BBX: variants seen among roughly 807,000 people sequenced by gnomAD.
The protein encoded by BBX is BBX high mobility group box domain containing.
A neutral mutation model predicts 100.2 loss-of-function variants in BBX; 30 were observed. The ratio of observed to expected loss-of-function variants is 0.30; its 90% CI spans 0.22 to 0.41. BBX has a LOEUF of 0.41. Ranked by LOEUF, BBX falls within the 10% of genes least tolerant of loss-of-function variation. The pLI is 1.00. For missense variants in BBX, 1,023 were observed against 1,129.8 expected (o/e 0.91, Z 1.35); for synonymous variants, 376 against 388.1 (o/e 0.97, Z 0.37).
In BBX at chr3:107,667,022, T is replaced by C. The variant is rs149517305; in HGVS notation, c.-10+21113T>C. 2.4e-3 allele frequency among the ~76,000 whole-genome samples: 362 copies of C among 152,358 alleles called. 1 individual carries two copies. The highest frequency in any genetic ancestry group is 5.4e-3 in the African/African-American group (225 of 41,584). On this transcript the variant is annotated intron_variant, in intron 3 of 17. Transcript: ENST00000325805. ...TGAGAATTCACCCCTCCTAACTAACTGCTTACTTGACAAAACTGTTAAGGA... is the reference window on the plus strand; with the variant it reads ...TGAGAATTCACCCCTCCTAACTAACCGCTTACTTGACAAAACTGTTAAGGA...
chr3:107,767,051 G>A (rs1353245787), intron 10 of BBX, among the ~76,000 whole-genome samples: 1 of 152,198 alleles, frequency 6.6e-6, no homozygotes, highest in African/African-American at 2.4e-5. Context: ...GGGATCTGTC[G>A]CAGGATAGGG....
intron 2 of BBX, among the ~76,000 whole-genome samples, chr3:107,621,933 A>G (rs2055801984): frequency 6.6e-6 from 1 of 152,176 alleles, no homozygotes; most frequent in Admixed American, 6.5e-5. Flanking sequence ...TGGGGCCTAA[A>G]AAAACTTTAA....
intron 2 of BBX, among the ~76,000 whole-genome samples, chr3:107,634,760 C>T (rs1452987366): frequency 6.6e-6 from 1 of 152,132 alleles, no homozygotes; most frequent in Non-Finnish European, 1.5e-5. Flanking sequence ...CTGTAAAAGC[C>T]TTGTTGATAT....
At chr3:107,543,110 T>C (rs1189901270) in intron 2 of BBX, among the ~76,000 whole-genome samples, 3 of 152,140 alleles carry the variant, frequency 2.0e-5, no homozygotes, top group African/African-American at 7.2e-5. Flanking sequence ...CATGTCACAA[T>C]ATAAAAAAGA....
In BBX at chr3:107,748,047, CT is replaced by C; in HGVS notation, c.825+13del. ...TTGTTTCAGTTTGCAGAGGTATGGC[CT>C]TTTTAAAATGCTTTTTAGGCTAAGA... On this transcript the variant is annotated intron_variant, in intron 9 of 17. Coordinates refer to ENST00000325805, the MANE Select transcript of BBX (RefSeq NM_001142568.3). 1 of 1,609,180 alleles carries C rather than the reference CT, an allele frequency of 6.2e-7. No homozygotes were observed. Among genetic ancestry groups the C allele is most frequent in the Admixed American group, 1.7e-5 (1 of 59,574 alleles).
At chr3:107,533,160 T>C (rs918762892) in intron 2 of BBX, among the ~76,000 whole-genome samples, 1 of 152,150 alleles carries the variant, frequency 6.6e-6, no homozygotes, top group Non-Finnish European at 1.5e-5. Context: ...GAATGTTATG[T>C]AATATGTGCT....
chr3:107,620,250 T>C (rs746867190), intron 2 of BBX, among the ~76,000 whole-genome samples: 3 of 152,242 alleles, frequency 2.0e-5, no homozygotes, highest in Non-Finnish European at 4.4e-5. Flanking sequence ...TCTACTAATA[T>C]ATCTTCTGTT....
chr3:107,720,063 T>G (rs1055241040), intron 5 of BBX, among the ~76,000 whole-genome samples: 1 of 152,006 alleles, frequency 6.6e-6, no homozygotes, highest in Non-Finnish European at 1.5e-5. Flanking sequence ...ATTTATTGAT[T>G]GATTGGTCCT....
chr3:107,681,728 T>C (rs1044637349), intron 3 of BBX, among the ~76,000 whole-genome samples: 3 of 152,106 alleles, frequency 2.0e-5, no homozygotes, highest in Non-Finnish European at 4.4e-5. Context: ...ACTGAGAGAA[T>C]AAAGTAGAAT....
chr3:107,723,384 G>A (rs2062677364), intron 5 of BBX, among the ~76,000 whole-genome samples: 1 of 151,722 alleles, frequency 6.6e-6, no homozygotes, highest in African/African-American at 2.4e-5. Context: ...GAAAAGTAAT[G>A]TTGAGACTCC....
At chr3:107,601,188 C>T (rs1227770745) in intron 2 of BBX, among the ~76,000 whole-genome samples, 2 of 152,224 alleles carry the variant, frequency 1.3e-5, no homozygotes, top group Non-Finnish European at 2.9e-5. Context: ...GCTCCACCCA[C>T]TGGCCGTTCC....
chr3:107,729,102 T>C (rs2063152432), intron 6 of BBX, 142 bp downstream of exon 6: 1 of 832,108 alleles, frequency 1.2e-6, no homozygotes, highest in Non-Finnish European at 1.9e-6. Context: ...TTTTCAAGCA[T>C]TGGATCATGA....
At chr3:107,616,916 A>G (rs562008265) in intron 2 of BBX, among the ~76,000 whole-genome samples, 83 of 152,220 alleles carry the variant, frequency 5.5e-4, no homozygotes, top group African/African-American at 1.9e-3. Context: ...TACTAATTTT[A>G]CCTTTTATGG....
chr3:107,611,587 A>C (rs1170849152), intron 2 of BBX, among the ~76,000 whole-genome samples: 3 of 152,190 alleles, frequency 2.0e-5, no homozygotes, highest in South Asian at 2.1e-4. Flanking sequence ...TTTCCACTGA[A>C]AAGACTGCTC....
At chr3:107,693,415 A>G (rs2060331410) in intron 3 of BBX, among the ~76,000 whole-genome samples, 1 of 151,560 alleles carries the variant, frequency 6.6e-6, no homozygotes, top group Non-Finnish European at 1.5e-5. Context: ...CTTTCTACAT[A>G]TGGCTAGCCA....
intron 3 of BBX, among the ~76,000 whole-genome samples, chr3:107,697,714 G>C (rs2060730928): frequency 6.6e-6 from 1 of 151,872 alleles, no homozygotes; most frequent in South Asian, 2.1e-4. Context: ...TTGAGCTGTG[G>C]TGGGCTCCAC....
intron 3 of BBX, among the ~76,000 whole-genome samples, chr3:107,652,728 G>A (rs1364759830): frequency 6.6e-6 from 1 of 152,128 alleles, no homozygotes; most frequent in African/African-American, 2.4e-5. Flanking sequence ...AGAGAAGTGT[G>A]TTTTCCTAGG....
intron 2 of BBX, among the ~76,000 whole-genome samples, chr3:107,577,200 A>G (rs998197636): frequency 2.6e-5 from 4 of 152,134 alleles, no homozygotes; most frequent in Admixed American, 2.6e-4. Context: ...TAAAGCACAT[A>G]AAATTTGTTG....
intron 7 of BBX, among the ~76,000 whole-genome samples, chr3:107,738,189 C>G (rs1407409624): frequency 6.6e-6 from 1 of 151,724 alleles, no homozygotes; most frequent in Non-Finnish European, 1.5e-5. Context: ...TCTCTTATAT[C>G]CCATATTGTT....
Sources: gnomAD v4.1 joint callset for allele counts (sites outside exome capture counted in the v4.1 genomes callset) on GRCh38, gnomAD v4.1.1 for gene constraint, MANE v1.5 for transcripts, NCBI Gene and HGNC (gene_info 2026-07-23, HGNC 2026-07-21) for gene names.